LSAMP: variants seen among roughly 807,000 people sequenced by gnomAD.
The protein encoded by LSAMP is limbic system associated membrane protein.
Under a neutral mutation model 38.6 loss-of-function variants are expected in LSAMP, and 7 were observed. That is an observed-to-expected ratio of 0.18 (90% CI 0.10 to 0.34). The LOEUF (loss-of-function observed/expected upper bound fraction) is 0.34, where lower values mean the gene tolerates loss of function less well. Among genes scored for constraint, LSAMP ranks in the 10% least tolerant of loss-of-function variants. LSAMP has a pLI of 1.00. For synonymous variants in LSAMP, 154 were observed against 166.8 expected (o/e 0.92, Z 0.59); for missense variants, 313 against 420.0 (o/e 0.75, Z 2.23).
intron 1 of LSAMP, among the ~76,000 whole-genome samples, chr3:116,402,059 C>T (rs557917308): frequency 6.6e-6 from 1 of 152,300 alleles, no homozygotes; most frequent in Non-Finnish European, 1.5e-5. Flanking sequence ...AATTCAGCCA[C>T]TGTCATTTTC....
intron 1 of LSAMP, among the ~76,000 whole-genome samples, chr3:116,184,766 T>A (rs1710571545): frequency 6.6e-6 from 1 of 151,926 alleles, no homozygotes; most frequent in Non-Finnish European, 1.5e-5. Context: ...CTTCTAGAAT[T>A]CTGCTTGCTT....
intron 1 of LSAMP, among the ~76,000 whole-genome samples, chr3:116,145,902 G>T (rs1284900846): frequency 1.3e-5 from 2 of 151,620 alleles, no homozygotes; most frequent in Non-Finnish European, 2.9e-5. Flanking sequence ...TTTATTTCAA[G>T]AAATTTTATT....
chr3:116,002,666 G>A (rs920528068), intron 3 of LSAMP, among the ~76,000 whole-genome samples: 14 of 152,150 alleles, frequency 9.2e-5, no homozygotes, highest in African/African-American at 3.4e-4. Flanking sequence ...TGTCCAGACA[G>A]GAAGAAAGTA....
intron 1 of LSAMP, among the ~76,000 whole-genome samples, chr3:116,152,383 T>C (rs1001181587): frequency 6.6e-6 from 1 of 152,122 alleles, no homozygotes; most frequent in African/African-American, 2.4e-5. Flanking sequence ...AGCTAAGGAA[T>C]GTGCAGAAAG....
chr3:116,043,799 G>T (rs1006236165), intron 2 of LSAMP, among the ~76,000 whole-genome samples: 2 of 152,166 alleles, frequency 1.3e-5, no homozygotes, highest in African/African-American at 4.8e-5. Context: ...CAAAAAATTA[G>T]CCAGGCATGG....
chr3:115,945,159 C>G (rs1003452100), intron 3 of LSAMP, among the ~76,000 whole-genome samples: 1 of 152,020 alleles, frequency 6.6e-6, no homozygotes, highest in Non-Finnish European at 1.5e-5. Flanking sequence ...TTTCGAATTA[C>G]GGCTCACATA....
Position 115,804,760 on chromosome 3 carries a change from C to T in LSAMP, c.*5557G>A, listed in dbSNP as rs1353211894. The T allele has an allele frequency of 1.3e-5, 2 of 152,040 alleles. No individual in the cohort carries two copies. Among genetic ancestry groups the T allele is most frequent in the African/African-American group, 4.8e-5 (2 of 41,402 alleles). The allele number at this position is 152,040 out of a possible 1,614,324, so 9.4% of individuals were successfully genotyped here. ...GAATGATATATATGTCATCCTGTTACACGTGTCAGGCACTTCAAAAAGACT... is the reference window on the plus strand; with the variant it reads ...GAATGATATATATGTCATCCTGTTATACGTGTCAGGCACTTCAAAAAGACT... On this transcript the variant is annotated 3_prime_UTR_variant, in exon 7 of 7. Transcript: ENST00000490035.
chr3:115,935,488 C>T (rs1937669388), intron 3 of LSAMP, among the ~76,000 whole-genome samples: 1 of 152,186 alleles, frequency 6.6e-6, no homozygotes, highest in African/African-American at 2.4e-5. Flanking sequence ...CGCTGCTCGT[C>T]CCAGCAGAAT....
intron 1 of LSAMP, among the ~76,000 whole-genome samples, chr3:116,158,120 T>C (rs989578230): frequency 1.3e-5 from 2 of 152,142 alleles, no homozygotes; most frequent in African/African-American, 4.8e-5. Flanking sequence ...ATCATCTTAA[T>C]AGATACAGAA....
intron 3 of LSAMP, among the ~76,000 whole-genome samples, chr3:115,932,791 C>G (rs1345537036): frequency 6.6e-6 from 1 of 152,058 alleles, no homozygotes; most frequent in Non-Finnish European, 1.5e-5. Flanking sequence ...AAATATTATT[C>G]AATTATTATT....
intron 1 of LSAMP, among the ~76,000 whole-genome samples, chr3:116,296,868 T>C (rs1238967176): frequency 6.6e-6 from 1 of 152,044 alleles, no homozygotes; most frequent in African/African-American, 2.4e-5. Context: ...GGAAAAATAG[T>C]CCAAATTTGT....
At chr3:116,166,328 C>T (rs141794859) in intron 1 of LSAMP, among the ~76,000 whole-genome samples, 10 of 152,312 alleles carry the variant, frequency 6.6e-5, no homozygotes, top group African/African-American at 2.4e-4. Flanking sequence ...GAGCCAGGTA[C>T]TATTATGATT....
At chr3:115,869,592 T>C (rs1935968032) in intron 3 of LSAMP, among the ~76,000 whole-genome samples, 1 of 152,126 alleles carries the variant, frequency 6.6e-6, no homozygotes, top group Non-Finnish European at 1.5e-5. Context: ...TTGCAGATGT[T>C]CTAGTACTTT....
intron 3 of LSAMP, among the ~76,000 whole-genome samples, chr3:115,939,285 T>C (rs1478732051): frequency 1.3e-5 from 2 of 152,134 alleles, no homozygotes; most frequent in South Asian, 2.1e-4. Flanking sequence ...GGAAAATATA[T>C]AACCTGAAGT....
At chr3:115,854,279 ATTATTTTTTT>A (rs1277526765) in intron 3 of LSAMP, among the ~76,000 whole-genome samples, 2 of 116,390 alleles carry the variant, frequency 1.7e-5, no homozygotes, top group African/African-American at 6.8e-5. Context: ...TATTATTATT[ATTATTTTTTT>A]TTTTTTTTTT....
At chr3:116,213,585 T>C (rs1306362966) in intron 1 of LSAMP, among the ~76,000 whole-genome samples, 1 of 152,206 alleles carries the variant, frequency 6.6e-6, no homozygotes, top group African/African-American at 2.4e-5. Flanking sequence ...ATTTGCATTT[T>C]CAAGTTTATT....
chr3:116,265,325 G>A lies in LSAMP; in HGVS notation c.156-178769C>T, dbSNP rs184174003. Among the ~76,000 whole-genome samples the A allele has an allele frequency of 5.3e-5, 8 of 152,314 alleles. 1 individual carries two copies. Among genetic ancestry groups the A allele is most frequent in the Admixed American group, 3.9e-4 (6 of 15,300 alleles). On this transcript the variant is annotated intron_variant, in intron 1 of 6. Transcript: ENST00000490035. ...CGCTTGTTTGAAGTAGGTATGGTTT[G>A]TGAGAGACTGGATTACTATTAAGCT...
intron 1 of LSAMP, among the ~76,000 whole-genome samples, chr3:116,191,042 A>T (rs1450233156): frequency 1.3e-5 from 2 of 152,144 alleles, no homozygotes; most frequent in Non-Finnish European, 2.9e-5. Flanking sequence ...TTGTGTAAAA[A>T]TTAGCTGTAT....
At chr3:116,422,643 G>A (rs1359986577) in intron 1 of LSAMP, among the ~76,000 whole-genome samples, 2 of 152,054 alleles carry the variant, frequency 1.3e-5, no homozygotes, top group African/African-American at 4.8e-5. Context: ...AATGATGAAA[G>A]TATTCTAAAA....
Sources: gnomAD v4.1 joint callset for allele counts (sites outside exome capture counted in the v4.1 genomes callset) on GRCh38, gnomAD v4.1.1 for gene constraint, MANE v1.5 for transcripts, NCBI Gene and HGNC (gene_info 2026-07-23, HGNC 2026-07-21) for gene names.